HDAC8: variants seen among roughly 807,000 people sequenced by gnomAD.
HDAC8 encodes histone deacetylase 8.
Under a neutral mutation model 32.2 loss-of-function variants are expected in HDAC8, and 1 was observed. The observed-to-expected ratio is 0.03, with a 90% confidence interval of 0.01 to 0.15. The LOEUF (loss-of-function observed/expected upper bound fraction) is 0.15. HDAC8 is among the 10% of genes least tolerant of loss of function. The pLI is 1.00. For synonymous variants in HDAC8, 108 were observed against 113.9 expected, an observed-to-expected ratio of 0.95 and a Z score of 0.33; for missense variants, 117 against 300.0, an observed-to-expected ratio of 0.39 and a Z score of 4.51.
chrX:72,482,469 A>G (rs781943473), intron 7 of HDAC8, among the ~76,000 whole-genome samples: 38 of 112,404 alleles, frequency 3.4e-4, no homozygotes, highest in Admixed American at 3.3e-3. Context: ...CTATAAAATT[A>G]CAAATTAAAT....
intron 4 of HDAC8, among the ~76,000 whole-genome samples, chrX:72,523,916 C>G (rs781929186): frequency 9.0e-6 from 1 of 111,555 alleles, no homozygotes; most frequent in Non-Finnish European, 1.9e-5. Flanking sequence ...AAACTCAGGT[C>G]TTGTCTGACA....
intron 7 of HDAC8, among the ~76,000 whole-genome samples, chrX:72,487,750 G>T (rs190543351): frequency 9.2e-6 from 1 of 108,430 alleles, no homozygotes; most frequent in East Asian, 2.9e-4. Context: ...AAAAAAAAGG[G>T]TAACAAAATC....
At chrX:72,515,503 G>T (rs1158579804) in intron 4 of HDAC8, among the ~76,000 whole-genome samples, 1 of 96,976 alleles carries the variant, frequency 1.0e-5, no homozygotes, top group Non-Finnish European at 2.0e-5. Flanking sequence ...ATGCAAATTT[G>T]TATTGAGTAC....
At chrX:72,498,182 AAAG>A (rs1226090884) in intron 4 of HDAC8, among the ~76,000 whole-genome samples, 1 of 110,259 alleles carries the variant, frequency 9.1e-6, no homozygotes, top group Non-Finnish European at 1.9e-5. Context: ...AAAAAAAAAA[AAAG>A]ATTTGTTCTT....
intron 10 of HDAC8, among the ~76,000 whole-genome samples, chrX:72,338,626 T>C (rs1278489847): frequency 1.0e-5 from 1 of 99,408 alleles, no homozygotes; most frequent in East Asian, 3.0e-4. Flanking sequence ...AACAGCTGTA[T>C]TAATAGTCAC....
At chrX:72,374,308 C>A (rs2044982849) in intron 9 of HDAC8, among the ~76,000 whole-genome samples, 1 of 111,814 alleles carries the variant, frequency 8.9e-6, no homozygotes, top group Non-Finnish European at 1.9e-5. Context: ...GCCTTGGCCT[C>A]CCAAAGCACT....
chrX:72,563,936 C>G (rs945318082), intron 4 of HDAC8, among the ~76,000 whole-genome samples: 1 of 111,289 alleles, frequency 9.0e-6, no homozygotes. Context: ...CCGAGGCAGG[C>G]AGATCATGAG....
intron 9 of HDAC8, among the ~76,000 whole-genome samples, chrX:72,408,705 C>T (rs977732347): frequency 4.5e-4 from 50 of 111,816 alleles, no homozygotes; most frequent in Admixed American, 4.7e-4. Flanking sequence ...TGTACCTGGC[C>T]GGGGGGAAAG....
intron 9 of HDAC8, among the ~76,000 whole-genome samples, chrX:72,448,375 A>C (rs782745169): frequency 1.8e-5 from 2 of 112,348 alleles, no homozygotes; most frequent in East Asian, 5.6e-4. Flanking sequence ...AAAACTGGCT[A>C]GCCATATGCA....
chrX:72,359,402 C>T (rs1305637380), intron 9 of HDAC8, among the ~76,000 whole-genome samples: 1 of 110,821 alleles, frequency 9.0e-6, no homozygotes, highest in Non-Finnish European at 1.9e-5. Context: ...TCCAGTAGGG[C>T]GAATTAGGTT....
intron 7 of HDAC8, among the ~76,000 whole-genome samples, chrX:72,465,394 T>C (rs1475655193): frequency 9.1e-6 from 1 of 110,190 alleles, no homozygotes; most frequent in Non-Finnish European, 1.9e-5. Flanking sequence ...TTGGATAGAA[T>C]CATTCAGTGC....
At chrX:72,506,854 T>A (rs898055453) in intron 4 of HDAC8, among the ~76,000 whole-genome samples, 5 of 110,808 alleles carry the variant, frequency 4.5e-5, no homozygotes, top group African/African-American at 1.3e-4. Flanking sequence ...TAATCTTTTA[T>A]ATTAACTTTT....
chrX:72,555,991 G>C, intron 4 of HDAC8, among the ~76,000 whole-genome samples: 1 of 112,038 alleles, frequency 8.9e-6, no homozygotes, highest in Middle Eastern at 4.6e-3. Flanking sequence ...AGAATCTTAA[G>C]AGCTGTGAGG....
At chrX:72,520,703 CT>C (rs1227693040) in intron 4 of HDAC8, among the ~76,000 whole-genome samples, 5 of 112,342 alleles carry the variant, frequency 4.5e-5, no homozygotes, top group African/African-American at 1.6e-4. Context: ...CCAAAAATGT[CT>C]TTAATAATTG....
At chrX:72,566,286 T>C (rs1439810286) in intron 4 of HDAC8, among the ~76,000 whole-genome samples, 1 of 111,686 alleles carries the variant, frequency 9.0e-6, no homozygotes, top group Non-Finnish European at 1.9e-5. Flanking sequence ...TAGGGAGACA[T>C]TGTCTTTATT....
chrX:72,447,300 C>T (rs183013807), intron 9 of HDAC8, among the ~76,000 whole-genome samples: 6 of 112,158 alleles, frequency 5.3e-5, no homozygotes, highest in Admixed American at 2.8e-4. Context: ...AATCAATAAA[C>T]GTAATCCATC....
intron 7 of HDAC8, among the ~76,000 whole-genome samples, chrX:72,465,451 A>G (rs1345464790): frequency 1.8e-5 from 2 of 109,907 alleles, no homozygotes; most frequent in Non-Finnish European, 3.8e-5. Flanking sequence ...GAACCCTTGT[A>G]GATGAAAAGG....
intron 9 of HDAC8, among the ~76,000 whole-genome samples, chrX:72,446,068 C>T (rs1174358995): frequency 5.4e-5 from 6 of 112,001 alleles, no homozygotes; most frequent in African/African-American, 1.3e-4. Flanking sequence ...GAAATAGGAA[C>T]ACTTTTACAC....
rs782124681 is a variant in HDAC8, at chrX:72,413,179, C to T, written c.1005+48825G>A. Among the ~76,000 whole-genome samples the T allele has an allele frequency of 3.7e-5, 4 of 109,151 alleles. No homozygotes were observed. In the South Asian group the frequency reaches 1.6e-3, roughly 44 times the overall value. 94.8% of individuals were successfully genotyped at this position (109,151 alleles called of 115,157 possible). A position where few individuals can be genotyped will look rare whatever the true frequency, so the allele number is the denominator to read the frequency against. On this transcript the variant is annotated intron_variant, in intron 9 of 10. Coordinates refer to ENST00000373573, the MANE Select transcript of HDAC8 (RefSeq NM_018486.3). ...ATGTGCACAACGTGCAGGTTAGTTACATATGTATACATGTGCCATGTTGGT... is the reference window on the plus strand; with the variant it reads ...ATGTGCACAACGTGCAGGTTAGTTATATATGTATACATGTGCCATGTTGGT...
Sources: allele counts gnomAD v4.1 joint callset (sites outside exome capture counted in the v4.1 genomes callset), GRCh38; gene constraint gnomAD v4.1.1; transcripts MANE v1.5; gene names NCBI Gene and HGNC (gene_info 2026-07-23, HGNC 2026-07-21).